Variants in LRRC37A2 observed in about 807,000 individuals in gnomAD.
The protein encoded by LRRC37A2 is leucine-rich repeat-containing protein 37A2.
In LRRC37A2, 9 loss-of-function variants were observed where a neutral mutation model predicts 68.8. The ratio of observed to expected loss-of-function variants is 0.13; its 90% CI spans 0.08 to 0.23. The LOEUF (loss-of-function observed/expected upper bound fraction) is 0.23. LRRC37A2 is among the 10% of genes least tolerant of loss of function. The pLI is 1.00. For synonymous variants in LRRC37A2, 63 were observed against 367.6 expected (o/e 0.17, Z 9.48); for missense variants, 168 against 950.4 (o/e 0.18, Z 10.82).
chr17:46,829,173 A>C, the LRRC37A2 span, among the ~76,000 whole-genome samples: 1 of 151,864 alleles, frequency 6.6e-6, no homozygotes, highest in Non-Finnish European at 1.5e-5. Flanking sequence ...ATTATATTTC[A>C]ATTTTTTTTT....
At chr17:46,970,694 G>A in the LRRC37A2 span, among the ~76,000 whole-genome samples, 1 of 152,186 alleles carries the variant, frequency 6.6e-6, no homozygotes, top group Non-Finnish European at 1.5e-5. Context: ...GTGGACGGGG[G>A]CTCAGAGACC....
chr17:46,865,849 T>C, the LRRC37A2 span, among the ~76,000 whole-genome samples: 1 of 152,144 alleles, frequency 6.6e-6, no homozygotes, highest in African/African-American at 2.4e-5. Context: ...TAGGCTCAAG[T>C]GATTCACCTG....
the LRRC37A2 span, among the ~76,000 whole-genome samples, chr17:46,792,889 C>A: frequency 0.31 from 47,003 of 151,740 alleles, 7,888 homozygotes; most frequent in East Asian, 0.58. Context: ...CCCAATTTAA[C>A]GGATGATGAC....
the LRRC37A2 span, chr17:46,935,656 G>T: frequency 2.0e-6 from 2 of 998,260 alleles, no homozygotes; most frequent in Non-Finnish European, 1.2e-6. Context: ...GTTTGCAGTA[G>T]ATTAGAGCTT....
chr17:47,022,443 T>G, the LRRC37A2 span, among the ~76,000 whole-genome samples: 2 of 150,860 alleles, frequency 1.3e-5, no homozygotes, highest in Non-Finnish European at 2.9e-5. Context: ...GTGTTCATAT[T>G]ACAGGCATGA....
chr17:46,861,062 C>G, the LRRC37A2 span, among the ~76,000 whole-genome samples: 20 of 152,148 alleles, frequency 1.3e-4, no homozygotes, highest in Admixed American at 3.3e-4. Flanking sequence ...TGGGGGGAAA[C>G]TGTCAGAATC....
the LRRC37A2 span, among the ~76,000 whole-genome samples, chr17:46,707,791 G>T: frequency 6.6e-6 from 1 of 152,098 alleles, no homozygotes; most frequent in Non-Finnish European, 1.5e-5. Flanking sequence ...CAGCACTTTT[G>T]GAGATTGAGG....
the LRRC37A2 span, among the ~76,000 whole-genome samples, chr17:46,762,319 C>T: frequency 6.6e-6 from 1 of 152,088 alleles, no homozygotes; most frequent in East Asian, 1.9e-4. Flanking sequence ...ACAAAAGAAG[C>T]CTTTAAAAAT....
the LRRC37A2 span, among the ~76,000 whole-genome samples, chr17:46,799,446 CTTTTT>C: frequency 1.6e-5 from 2 of 121,562 alleles, no homozygotes; most frequent in African/African-American, 3.1e-5. Flanking sequence ...ATTATTTCTA[CTTTTT>C]TTTTTTTTTT....
At chr17:46,867,532 A>G in the LRRC37A2 span, among the ~76,000 whole-genome samples, 1 of 151,996 alleles carries the variant, frequency 6.6e-6, no homozygotes. Context: ...CTTGGGCCCC[A>G]CTCTCCAGGC....
chr17:46,965,629 T>TTGTTCTTTGA, the LRRC37A2 span, among the ~76,000 whole-genome samples: 10 of 1,192 alleles, frequency 8.4e-3, no homozygotes, highest in Non-Finnish European at 0.089. Context: ...TGCCTTCTCT[T>TTGTTCTTTGA]TCTTTTTTTT....
the LRRC37A2 span, among the ~76,000 whole-genome samples, chr17:46,718,762 G>A: frequency 4.6e-5 from 7 of 152,278 alleles, no homozygotes; most frequent in East Asian, 5.8e-4. Flanking sequence ...GCATTATAGG[G>A]TTATGAGAAT....
chr17:46,823,109 A>AT, the LRRC37A2 span, among the ~76,000 whole-genome samples: 1 of 89,776 alleles, frequency 1.1e-5, no homozygotes, highest in Non-Finnish European at 2.2e-5. Flanking sequence ...TAATAAACAC[A>AT]TATATTATAT....
At chr17:46,935,188 G>C in the LRRC37A2 span, 1 of 1,613,722 alleles carries the variant, frequency 6.2e-7, no homozygotes, top group South Asian at 1.1e-5. Context: ...CCTGCTGGGG[G>C]ACAGAGAGAA....
chr17:46,988,934 C>A, the LRRC37A2 span, among the ~76,000 whole-genome samples: 1 of 152,124 alleles, frequency 6.6e-6, no homozygotes, highest in African/African-American at 2.4e-5. Context: ...TAATGATAAA[C>A]GGTGAGAAGG....
At chr17:46,707,157 T>A in the LRRC37A2 span, among the ~76,000 whole-genome samples, 1 of 152,054 alleles carries the variant, frequency 6.6e-6, no homozygotes, top group African/African-American at 2.4e-5. Flanking sequence ...AGCCTCAGAT[T>A]TAATTTTTGC....
the LRRC37A2 span, among the ~76,000 whole-genome samples, chr17:46,748,101 T>A: frequency 3.3e-5 from 5 of 152,106 alleles, no homozygotes; most frequent in Admixed American, 2.0e-4. Flanking sequence ...TTTCTAACCT[T>A]TTTATTTATT....
chr17:46,631,061 T>TAC, the LRRC37A2 span, among the ~76,000 whole-genome samples: 16,813 of 121,824 alleles, frequency 0.14, 231 homozygotes, highest in Non-Finnish European at 0.14. Flanking sequence ...TCTCTCTCTG[T>TAC]ACACACACAC....
chr17:46,900,174 T>TATATATATATATATATATACATATAC, the LRRC37A2 span, among the ~76,000 whole-genome samples: 1 of 30,352 alleles, frequency 3.3e-5, no homozygotes, highest in Non-Finnish European at 6.1e-5. Flanking sequence ...TATACATATA[T>TATATATATATATATATATACATATAC]ATATATATAT....
Sources: gnomAD v4.1 joint callset for allele counts (sites outside exome capture counted in the v4.1 genomes callset) on GRCh38, gnomAD v4.1.1 for gene constraint, MANE v1.5 for transcripts, NCBI Gene and HGNC (gene_info 2026-07-23, HGNC 2026-07-21) for gene names.